GON4L: variants seen among roughly 807,000 people sequenced by gnomAD.
The protein encoded by GON4L is gon-4 like, also known as GON-4-like protein.
In GON4L, 87 loss-of-function variants were observed where a neutral mutation model predicts 211.8. The observed-to-expected ratio is 0.41, with a 90% CI of 0.35 to 0.49. GON4L has a LOEUF of 0.49. GON4L is among the 20% of genes least tolerant of loss of function. The pLI, the probability that GON4L is intolerant of heterozygous loss-of-function variation, is 0.15. For synonymous variants in GON4L, 875 were observed against 962.6 expected (o/e 0.91, Z 1.68); for missense variants, 2,155 against 2,659.5 (o/e 0.81, Z 4.17).
intron 2 of GON4L, among the ~76,000 whole-genome samples, chr1:155,852,397 A>C (rs1044217043): frequency 1.3e-5 from 2 of 152,138 alleles, no homozygotes; most frequent in African/African-American, 4.8e-5. Context: ...CAATCACAAA[A>C]GACCATACAC....
At chr1:155,827,583 G>A (rs530674494) in intron 2 of GON4L, among the ~76,000 whole-genome samples, 4 of 152,156 alleles carry the variant, frequency 2.6e-5, no homozygotes, top group Admixed American at 6.6e-5. Context: ...TACTTGGGGG[G>A]GCTGAGCTGG....
intron 9 of GON4L, 85 bp downstream of exon 9, chr1:155,814,245 C>A: frequency 7.8e-7 from 1 of 1,282,248 alleles, no homozygotes; most frequent in South Asian, 1.2e-5. Flanking sequence ...CCCAGAATCA[C>A]CATGGATAAA....
At chr1:155,755,340 A>G (rs1571618441) in intron 27 of GON4L, among the ~76,000 whole-genome samples, 1 of 152,140 alleles carries the variant, frequency 6.6e-6, no homozygotes, top group East Asian at 1.9e-4. Flanking sequence ...AAGTGCTGGC[A>G]TTAGAGGTGT....
At chr1:155,786,230 T>G (rs1664930214) in intron 12 of GON4L, among the ~76,000 whole-genome samples, 1 of 152,162 alleles carries the variant, frequency 6.6e-6, no homozygotes, top group South Asian at 2.1e-4. Context: ...TCATGAAGCT[T>G]AAATTCTAAA....
Position 155,764,984 on chromosome 1 carries a change from A to T in GON4L, c.4473+16T>A. 1 of 1,613,918 alleles carries T rather than the reference A, an allele frequency of 6.2e-7. No homozygotes were observed. Among genetic ancestry groups the T allele is most frequent in the Non-Finnish European group, 8.5e-7 (1 of 1,179,786 alleles). On this transcript the variant is annotated intron_variant, in intron 21 of 31. Coordinates refer to ENST00000368331, the MANE Select transcript of GON4L (RefSeq NM_001282860.2). ...CTGAGTCCACGAAATACTTGAGAATATTCTCCAGCTCTCACCTGGAGTTCT... is the reference window on the plus strand; with the variant it reads ...CTGAGTCCACGAAATACTTGAGAATTTTCTCCAGCTCTCACCTGGAGTTCT...
chr1:155,805,912 A>C (rs1306513008), intron 10 of GON4L, among the ~76,000 whole-genome samples: 1 of 151,592 alleles, frequency 6.6e-6, no homozygotes, highest in Non-Finnish European at 1.5e-5. Context: ...CTGGTCTCGA[A>C]GTCCTGACCT....
chr1:155,819,419 T>C (rs1353146158), intron 6 of GON4L, among the ~76,000 whole-genome samples: 1 of 152,182 alleles, frequency 6.6e-6, no homozygotes, highest in Admixed American at 6.6e-5. Flanking sequence ...CAATTCCTTT[T>C]CTTGCTTTTT....
intron 19 of GON4L, among the ~76,000 whole-genome samples, 191 bp from the exon 20 acceptor site, chr1:155,767,732 A>G (rs1662682360): frequency 6.6e-6 from 1 of 152,176 alleles, no homozygotes; most frequent in Non-Finnish European, 1.5e-5. Flanking sequence ...TGTACATTTC[A>G]AATTAAACTA....
At chr1:155,818,052 A>G (rs1668406845) in intron 6 of GON4L, among the ~76,000 whole-genome samples, 1 of 152,038 alleles carries the variant, frequency 6.6e-6, no homozygotes, top group East Asian at 1.9e-4. Flanking sequence ...GCCAATAAAC[A>G]TAATTCAGAG....
intron 13 of GON4L, 92 bp from the exon 14 acceptor site, chr1:155,784,181 C>T (rs930297859): frequency 2.6e-6 from 4 of 1,528,418 alleles, no homozygotes; most frequent in Non-Finnish European, 3.6e-6. Flanking sequence ...CTATAGATTA[C>T]AAGACTATAA....
chr1:155,786,903 C>T (rs560716751), intron 12 of GON4L, among the ~76,000 whole-genome samples: 3 of 151,372 alleles, frequency 2.0e-5, no homozygotes, highest in African/African-American at 7.3e-5. Context: ...CCACGGTGCC[C>T]AGTCCTACAG....
intron 12 of GON4L, among the ~76,000 whole-genome samples, chr1:155,792,853 C>T (rs894201195): frequency 6.6e-5 from 10 of 152,134 alleles, no homozygotes; most frequent in Admixed American, 5.2e-4. Flanking sequence ...ACCTCCTGGG[C>T]TCAAGTGATC....
intron 12 of GON4L, among the ~76,000 whole-genome samples, chr1:155,793,123 G>A (rs1186708988): frequency 1.3e-5 from 2 of 151,864 alleles, no homozygotes; most frequent in African/African-American, 4.8e-5. Flanking sequence ...GGTTTTTCTT[G>A]TACCTTCCTA....
downstream of GON4L, among the ~76,000 whole-genome samples, chr1:155,745,529 C>T (rs1660225427): frequency 6.6e-6 from 1 of 152,236 alleles, no homozygotes; most frequent in African/African-American, 2.4e-5. Flanking sequence ...TTCCGCGGCC[C>T]GCGCCCTGGC....
At chr1:155,821,783 T>C (rs1308176261) in intron 4 of GON4L, among the ~76,000 whole-genome samples, 1 of 152,202 alleles carries the variant, frequency 6.6e-6, no homozygotes, top group African/African-American at 2.4e-5. Context: ...CATTAGCTGC[T>C]ACTAGGAACA....
intron 2 of GON4L, among the ~76,000 whole-genome samples, chr1:155,835,294 C>T (rs1670193466): frequency 6.6e-6 from 1 of 152,234 alleles, no homozygotes; most frequent in East Asian, 1.9e-4. Flanking sequence ...CATCACCACT[C>T]CCTAATCTCA....
chr1:155,748,798 G>A, downstream of GON4L: 2 of 1,609,388 alleles, frequency 1.2e-6, no homozygotes, highest in South Asian at 1.1e-5. Flanking sequence ...GGTGAGAGCT[G>A]TTGGTCCTTA....
At chr1:155,801,994 T>C (rs1448789808) in intron 11 of GON4L, among the ~76,000 whole-genome samples, 1 of 149,016 alleles carries the variant, frequency 6.7e-6, no homozygotes, top group African/African-American at 2.5e-5. Context: ...ATTACAGGCA[T>C]GAGCCACCAC....
At chr1:155,817,686 G>C (rs913283664) in intron 6 of GON4L, among the ~76,000 whole-genome samples, 2 of 152,180 alleles carry the variant, frequency 1.3e-5, no homozygotes, top group Non-Finnish European at 2.9e-5. Context: ...GATCAAGGCA[G>C]AAGGATCACT....
Sources: allele counts gnomAD v4.1 joint callset (sites outside exome capture counted in the v4.1 genomes callset), GRCh38; gene constraint gnomAD v4.1.1; transcripts MANE v1.5; gene names NCBI Gene and HGNC (gene_info 2026-07-23, HGNC 2026-07-21).